Variants in SEMA3A observed in about 807,000 individuals in gnomAD.
The protein encoded by SEMA3A is semaphorin 3A.
SEMA3A carries 29 observed loss-of-function variants against 97.9 expected under a neutral mutation model. The observed-to-expected ratio is 0.30, with a 90% CI of 0.22 to 0.40. SEMA3A has a LOEUF of 0.40. SEMA3A is among the 10% of genes least tolerant of loss of function. The pLI is 1.00. For missense variants in SEMA3A, 763 were observed against 951.3 expected (o/e 0.80, Z 2.60); for synonymous variants, 321 against 323.7 (o/e 0.99, Z 0.09).
chr7:84,370,837 C>T (rs1397295978), intron 2 of SEMA3A, among the ~76,000 whole-genome samples: 2 of 151,256 alleles, frequency 1.3e-5, no homozygotes, highest in African/African-American at 4.8e-5. Flanking sequence ...ATAGCATGTT[C>T]TAAGGCAGAA....
chr7:84,110,563 T>C lies in SEMA3A; in HGVS notation c.360A>G (p.Val120=). 1 of 1,613,880 alleles carries C rather than the reference T, an allele frequency of 6.2e-7. No individual in the cohort carries two copies. Among genetic ancestry groups the C allele is most frequent in the Non-Finnish European group, 8.5e-7 (1 of 1,179,852 alleles). The change falls in exon 4 of 17, where the codon GTA becomes GTG. Residue 120 remains valine, a synonymous_variant. Transcript: ENST00000265362. ...AGTGAGTCTGATTATATGCCTTAAG[T>C]ACCTTGATGAAATTAGCACATTCTT... The part of the protein sequence containing the change: ...ILKECANFIK[V]LKAYNQTHLY...
At chr7:84,077,960 T>TA (rs1305161024) in intron 4 of SEMA3A, among the ~76,000 whole-genome samples, 3 of 152,018 alleles carry the variant, frequency 2.0e-5, no homozygotes, top group Non-Finnish European at 4.4e-5. Context: ...GATTATGAGA[T>TA]AGGTGTTAAA....
intron 6 of SEMA3A, among the ~76,000 whole-genome samples, chr7:84,019,002 T>C (rs1791213777): frequency 2.0e-5 from 3 of 152,096 alleles, no homozygotes; most frequent in Admixed American, 1.3e-4. Flanking sequence ...GTGGCTGTCA[T>C]AGAAACTCAA....
intron 1 of SEMA3A, among the ~76,000 whole-genome samples, chr7:84,412,577 C>T (rs140898962): frequency 6.6e-6 from 1 of 152,236 alleles, no homozygotes; most frequent in Non-Finnish European, 1.5e-5. Flanking sequence ...GCAAATAAAA[C>T]AAGAGCTAGA....
chr7:84,062,437 C>G (rs1197248607), intron 4 of SEMA3A, among the ~76,000 whole-genome samples: 2 of 152,202 alleles, frequency 1.3e-5, no homozygotes, highest in African/African-American at 4.8e-5. Flanking sequence ...CGAATAGGAA[C>G]AGCTCCGGTC....
intron 2 of SEMA3A, among the ~76,000 whole-genome samples, chr7:84,363,903 A>G (rs1802783840): frequency 1.3e-5 from 2 of 151,692 alleles, no homozygotes; most frequent in South Asian, 4.1e-4. Context: ...TTCTCTTGTG[A>G]GTGTACTGTG....
At chr7:84,214,910 A>G (rs993978750) in intron 3 of SEMA3A, among the ~76,000 whole-genome samples, 8 of 151,280 alleles carry the variant, frequency 5.3e-5, no homozygotes, top group Non-Finnish European at 8.8e-5. Flanking sequence ...CATATTGGCC[A>G]GGCTGGTCTT....
intron 4 of SEMA3A, among the ~76,000 whole-genome samples, chr7:84,092,136 C>T (rs1264431588): frequency 6.6e-6 from 1 of 152,076 alleles, no homozygotes; most frequent in African/African-American, 2.4e-5. Flanking sequence ...TAAATGCTCC[C>T]TCTAAATCTT....
chr7:84,003,852 A>G (rs1394562534), intron 11 of SEMA3A, among the ~76,000 whole-genome samples: 15 of 31,318 alleles, frequency 4.8e-4, no homozygotes, highest in Non-Finnish European at 7.0e-4. Context: ...GATACTTGCA[A>G]TTCATTGCCT....
At chr7:84,397,699 C>G (rs1803775527) in intron 1 of SEMA3A, among the ~76,000 whole-genome samples, 2 of 151,896 alleles carry the variant, frequency 1.3e-5, no homozygotes, top group Admixed American at 6.6e-5. Context: ...GAATTTCTTC[C>G]CTTTTTACAG....
chr7:84,243,399 A>T (rs932289523), intron 3 of SEMA3A, among the ~76,000 whole-genome samples: 1 of 152,146 alleles, frequency 6.6e-6, no homozygotes, highest in Non-Finnish European at 1.5e-5. Flanking sequence ...CCAGGAATTT[A>T]TCCATTTCTT....
chr7:84,322,903 G>A (rs1584238829), intron 2 of SEMA3A, among the ~76,000 whole-genome samples: 1 of 152,168 alleles, frequency 6.6e-6, no homozygotes, highest in Non-Finnish European at 1.5e-5. Flanking sequence ...TACTGAGGGA[G>A]AATAGCATGG....
At chr7:84,350,733 G>C (rs941887649) in intron 2 of SEMA3A, among the ~76,000 whole-genome samples, 4 of 152,104 alleles carry the variant, frequency 2.6e-5, no homozygotes, top group Non-Finnish European at 5.9e-5. Flanking sequence ...AATGATCAGA[G>C]CACAACTGTC....
At chr7:84,357,210 A>T (rs1651827504) in intron 2 of SEMA3A, among the ~76,000 whole-genome samples, 1 of 151,618 alleles carries the variant, frequency 6.6e-6, no homozygotes, top group South Asian at 2.1e-4. Context: ...TACATGTGCC[A>T]TGTTGGTGTG....
intron 3 of SEMA3A, among the ~76,000 whole-genome samples, chr7:84,281,527 C>CA (rs1186265672): frequency 2.0e-5 from 3 of 151,602 alleles, no homozygotes; most frequent in African/African-American, 7.3e-5. Flanking sequence ...CTACTTTCCA[C>CA]AAAAAAAGGG....
intron 12 of SEMA3A, among the ~76,000 whole-genome samples, chr7:83,986,140 T>C (rs1460832321): frequency 6.6e-6 from 1 of 152,170 alleles, no homozygotes; most frequent in Non-Finnish European, 1.5e-5. Flanking sequence ...TCTGTTCAAC[T>C]GGAGAACGCT....
intron 6 of SEMA3A, among the ~76,000 whole-genome samples, chr7:84,029,516 T>G (rs1211638714): frequency 6.6e-6 from 1 of 152,336 alleles, no homozygotes; most frequent in South Asian, 2.1e-4. Flanking sequence ...TAATATTTGG[T>G]TATTTATTCC....
At chr7:84,202,604 T>C (rs186340405) in intron 3 of SEMA3A, among the ~76,000 whole-genome samples, 47 of 152,294 alleles carry the variant, frequency 3.1e-4, no homozygotes, top group Admixed American at 1.4e-3. Context: ...TTAATTTGTT[T>C]CCAGAGAAAT....
chr7:84,361,686 A>G (rs900660605), intron 2 of SEMA3A, among the ~76,000 whole-genome samples: 1 of 152,074 alleles, frequency 6.6e-6, no homozygotes, highest in Non-Finnish European at 1.5e-5. Context: ...AAGGAACTTA[A>G]GCCTTCTGGA....
Sources: allele counts gnomAD v4.1 joint callset (sites outside exome capture counted in the v4.1 genomes callset), GRCh38; gene constraint gnomAD v4.1.1; transcripts MANE v1.5; gene names NCBI Gene and HGNC (gene_info 2026-07-23, HGNC 2026-07-21).